The following CDKN2B-AS1 variants were observed in gnomAD, a reference collection of about 807,000 sequenced individuals.
The protein encoded by CDKN2B-AS1 is CDKN2B and CDKN2A antisense cis and trans regulatory RNA 1.
At chr9:22,004,237 T>C (rs1225867617) in intron 1 of CDKN2B-AS1, 1 of 232,464 alleles carries the variant, frequency 4.3e-6, no homozygotes, top group East Asian at 6.1e-5. Context: ...GGAATAGGAA[T>C]TGGTAGAGAA....
chr9:22,037,844 C>T (rs918927067), intron 1 of CDKN2B-AS1, among the ~76,000 whole-genome samples: 1 of 151,970 alleles, frequency 6.6e-6, no homozygotes, highest in Admixed American at 6.6e-5. Flanking sequence ...TCAATTTTAT[C>T]TGTTATGGTC....
At chr9:22,110,780 A>G (rs927284103) in intron 4 of CDKN2B-AS1, among the ~76,000 whole-genome samples, 2 of 152,026 alleles carry the variant, frequency 1.3e-5, no homozygotes, top group African/African-American at 4.8e-5. Context: ...CCCCAATCTC[A>G]TCCCGCTCCT....
chr9:22,007,530 C>G (rs1821252954), intron 1 of CDKN2B-AS1, among the ~76,000 whole-genome samples: 1 of 152,064 alleles, frequency 6.6e-6, no homozygotes, highest in South Asian at 2.1e-4. Flanking sequence ...AATTATAAGA[C>G]AATTTTTGGT....
At chr9:22,026,801 C>T (rs1265841467) in intron 1 of CDKN2B-AS1, among the ~76,000 whole-genome samples, 1 of 152,160 alleles carries the variant, frequency 6.6e-6, no homozygotes, top group Non-Finnish European at 1.5e-5. Flanking sequence ...TGAGTGGCTG[C>T]TCTGCTGAGA....
At chr9:22,101,937 A>G (rs1340788906) in intron 4 of CDKN2B-AS1, among the ~76,000 whole-genome samples, 1 of 152,178 alleles carries the variant, frequency 6.6e-6, no homozygotes, top group Non-Finnish European at 1.5e-5. Flanking sequence ...TGTCTATGGC[A>G]CATACCTTAA....
chr9:22,105,530 CA>C (rs1381084225), intron 4 of CDKN2B-AS1, among the ~76,000 whole-genome samples: 1 of 152,156 alleles, frequency 6.6e-6, no homozygotes, highest in Non-Finnish European at 1.5e-5. Flanking sequence ...ATGGGAGCTT[CA>C]GGTAGCAGAA....
At position 22,108,249 on chromosome 9, in the gene CDKN2B-AS1, T is replaced by C. The variant is rs72654205; in HGVS notation, n.439-18854T>C. On this transcript the variant is annotated intron_variant and non_coding_transcript_variant, in intron 4 of 4. Transcript: ENST00000650946. The stretch of plus-strand genomic sequence containing the variant: ...ATGGGCTCTGGAGATTGGCATTTGA[T>C]TGAACAGCTTTTGTGTATTGATTGT... 4.8e-3 allele frequency among the ~76,000 whole-genome samples: 736 copies of C among 152,320 alleles called. 5 individuals are homozygous for C. The highest frequency in any genetic ancestry group is 0.027 in the Middle Eastern group (8 of 294).
chr9:22,127,790 C>G (rs144075773), exon 5 of CDKN2B-AS1, among the ~76,000 whole-genome samples: 1 of 152,188 alleles, frequency 6.6e-6, no homozygotes, highest in African/African-American at 2.4e-5. Context: ...AATTGTAGAA[C>G]TCACTTCAGA....
At chr9:22,083,045 T>G (rs968448057) in intron 4 of CDKN2B-AS1, among the ~76,000 whole-genome samples, 1 of 152,182 alleles carries the variant, frequency 6.6e-6, no homozygotes, top group African/African-American at 2.4e-5. Flanking sequence ...TGATTAGATT[T>G]GTGTCATAAT....
intron 4 of CDKN2B-AS1, among the ~76,000 whole-genome samples, chr9:22,068,536 G>A (rs1824156366): frequency 6.6e-6 from 1 of 152,258 alleles, no homozygotes; most frequent in East Asian, 1.9e-4. Flanking sequence ...TTTACAGAAG[G>A]AATCTAAAAG....
chr9:22,043,522 C>G (rs1305857318), intron 1 of CDKN2B-AS1, among the ~76,000 whole-genome samples: 1 of 151,898 alleles, frequency 6.6e-6, no homozygotes, highest in African/African-American at 2.4e-5. Flanking sequence ...TATGTGTCCT[C>G]AGGAATTTAT....
intron 1 of CDKN2B-AS1, among the ~76,000 whole-genome samples, chr9:22,027,403 G>A (rs599452): frequency 0.28 from 42,347 of 151,906 alleles, 7,650 homozygotes; most frequent in Non-Finnish European, 0.41. Context: ...AAACTCAGAG[G>A]ACAGGATAAA....
intron 1 of CDKN2B-AS1, among the ~76,000 whole-genome samples, chr9:22,043,535 T>A (rs1345525061): frequency 6.6e-6 from 1 of 151,966 alleles, no homozygotes; most frequent in Non-Finnish European, 1.5e-5. Context: ...GAATTTATAA[T>A]CTAGCAGGTG....
chr9:22,003,290 C>G (rs1221959962), intron 1 of CDKN2B-AS1: 1 of 200,734 alleles, frequency 5.0e-6, no homozygotes, highest in East Asian at 7.5e-5. Context: ...AAAAAACTAA[C>G]AAAACAAACA....
chr9:22,060,218 T>C (rs1285971012), intron 4 of CDKN2B-AS1, among the ~76,000 whole-genome samples: 1 of 152,228 alleles, frequency 6.6e-6, no homozygotes, highest in East Asian at 1.9e-4. Flanking sequence ...TGAACTCTGT[T>C]TCCCTTTTAA....
chr9:22,091,775 C>T (rs1014647010), intron 4 of CDKN2B-AS1, among the ~76,000 whole-genome samples: 2 of 152,150 alleles, frequency 1.3e-5, no homozygotes, highest in African/African-American at 4.8e-5. Flanking sequence ...CAAACAGGGA[C>T]AATTTGACTT....
intron 1 of CDKN2B-AS1, among the ~76,000 whole-genome samples, chr9:22,017,397 A>T (rs954642386): frequency 6.6e-6 from 1 of 152,180 alleles, no homozygotes; most frequent in Non-Finnish European, 1.5e-5. Flanking sequence ...TTAGGGCTCA[A>T]CCTACCCGTT....
intron 4 of CDKN2B-AS1, among the ~76,000 whole-genome samples, chr9:22,108,129 C>G (rs1048504274): frequency 1.3e-5 from 2 of 152,156 alleles, no homozygotes; most frequent in Non-Finnish European, 2.9e-5. Context: ...CCTTCTATCT[C>G]TCCTACTTTG....
Position 21,996,646 on chromosome 9 carries a change from CCTAT to C in CDKN2B-AS1, n.29+1486_29+1489del, listed in dbSNP as rs1820703290. ...ATCCTTTTATGGGTCTTCCTCTGCA[CCTAT>C]GCCACGCCCCCAGCATTCCCCTCCT... On this transcript the variant is annotated intron_variant and non_coding_transcript_variant, in intron 1 of 4. Coordinates refer to ENST00000650946, the Ensembl canonical transcript of CDKN2B-AS1. The surrounding 1 kb of genome is among the most constrained non-coding windows in gnomAD (Gnocchi z 5.4). Among the ~76,000 whole-genome samples, 1 of 152,054 alleles carries C rather than the reference CCTAT, an allele frequency of 6.6e-6. No homozygotes were observed. The highest frequency in any genetic ancestry group is 2.4e-5 in the African/African-American group (1 of 41,390).
Sources: gnomAD v4.1 joint callset for allele counts (sites outside exome capture counted in the v4.1 genomes callset) on GRCh38, gnomAD v4.1.1 for gene constraint, Gnocchi (gnomAD v3.1) non-coding constraint, MANE v1.5 for transcripts, NCBI Gene and HGNC (gene_info 2026-07-23, HGNC 2026-07-21) for gene names.